CHEK1: variants seen among roughly 807,000 people sequenced by gnomAD.
The protein encoded by CHEK1 is serine/threonine-protein kinase Chk1.
A neutral mutation model predicts 60.2 loss-of-function variants in CHEK1; 32 were observed. The observed-to-expected ratio is 0.53, with a 90% CI of 0.40 to 0.71. The LOEUF is 0.71. CHEK1 is among the 30% of genes least tolerant of loss of function. The probability of loss-of-function intolerance (pLI) is 0.00; values close to 1 mark genes in which losing one functional copy is unlikely to be tolerated. For synonymous variants in CHEK1, 179 were observed against 187.2 expected (o/e 0.96, Z 0.36); for missense variants, 399 against 564.6 (o/e 0.71, Z 2.97).
At chr11:125,673,216 T>TC (rs369760206) in intron 13 of CHEK1, among the ~76,000 whole-genome samples, 3 of 151,308 alleles carry the variant, frequency 2.0e-5, no homozygotes, top group Non-Finnish European at 2.9e-5. Flanking sequence ...TCTTTTCTTT[T>TC]TTTTTTTTGA....
At chr11:125,654,759 A>G (rs149387175) in intron 12 of CHEK1, among the ~76,000 whole-genome samples, 40 of 152,350 alleles carry the variant, frequency 2.6e-4, no homozygotes, top group African/African-American at 8.9e-4. Flanking sequence ...ATTTGCTGCA[A>G]TACTGTTTTT....
intron 6 of CHEK1, among the ~76,000 whole-genome samples, chr11:125,634,964 T>TG (rs1243056530): frequency 1.5e-5 from 2 of 130,000 alleles, no homozygotes; most frequent in East Asian, 2.0e-4. Flanking sequence ...GTTTTTTGGT[T>TG]TTTTTTTTTT....
chr11:125,637,093 A>G (rs1941098834), intron 7 of CHEK1, among the ~76,000 whole-genome samples: 1 of 152,192 alleles, frequency 6.6e-6, no homozygotes, highest in Non-Finnish European at 1.5e-5. Context: ...CTGTGTGAAT[A>G]AGGAGGTCAC....
At chr11:125,678,978 T>TTTTATATATATATATATATATATATA (rs1555078664), downstream of CHEK1, among the ~76,000 whole-genome samples, 16 of 88,440 alleles carry the variant, frequency 1.8e-4, 1 homozygote, top group East Asian at 3.3e-3. Context: ...TCTAGGCATA[T>TTTTATATATATATATATATATATATA]TATATATATA....
At chr11:125,649,499 A>G (rs1193175804) in intron 11 of CHEK1, among the ~76,000 whole-genome samples, 1 of 151,964 alleles carries the variant, frequency 6.6e-6, no homozygotes, top group Admixed American at 6.6e-5. Flanking sequence ...TGAGGTGGGT[A>G]GATCACTTGA....
At chr11:125,642,387 G>T (rs964755885) in intron 8 of CHEK1, among the ~76,000 whole-genome samples, 1 of 151,738 alleles carries the variant, frequency 6.6e-6, no homozygotes, top group Non-Finnish European at 1.5e-5. Flanking sequence ...ATGTTATTTT[G>T]TCTCTCCTCA....
chr11:125,653,897 A>AT lies in CHEK1; in HGVS notation c.1335+57dup. ...TTTCTATGGAAATATTTCTATATGA[A>AT]TTTTTTTAATGGCATTATGTTTGTA... On this transcript the variant is annotated intron_variant, in intron 12 of 12. Coordinates refer to ENST00000438015, the MANE Select transcript of CHEK1 (RefSeq NM_001114122.3). This position sits in a 1 kb window ranked among gnomAD's most constrained non-coding sequence, Gnocchi z 4.3. 3 of 1,096,916 alleles carry AT rather than the reference A, an allele frequency of 2.7e-6. No individual in the cohort carries two copies. The highest frequency in any genetic ancestry group is 4.0e-6 in the Non-Finnish European group (3 of 754,492). 67.9% of individuals were successfully genotyped at this position (1,096,916 alleles called of 1,614,324 possible).
At chr11:125,676,463 C>T (rs370066271), downstream of CHEK1, 24 of 1,614,138 alleles carry the variant, frequency 1.5e-5, no homozygotes, top group Non-Finnish European at 1.9e-5. Context: ...ACATGTGTAG[C>T]AATTTAATAT....
chr11:125,627,234 T>C (rs1412734463), intron 2 of CHEK1, among the ~76,000 whole-genome samples: 3 of 152,162 alleles, frequency 2.0e-5, no homozygotes, highest in Non-Finnish European at 4.4e-5. Context: ...GTGGCAATAA[T>C]CGCATCTACC....
intron 8 of CHEK1, among the ~76,000 whole-genome samples, chr11:125,642,468 G>T (rs989209038): frequency 1.3e-5 from 2 of 151,970 alleles, no homozygotes; most frequent in African/African-American, 4.8e-5. Context: ...CTGATACCTA[G>T]AATAATGCCT....
chr11:125,634,313 G>GT (rs1374062482), intron 6 of CHEK1, among the ~76,000 whole-genome samples: 1 of 151,648 alleles, frequency 6.6e-6, no homozygotes, highest in Non-Finnish European at 1.5e-5. Context: ...TATTGTGTCT[G>GT]TTTTTTGTTT....
At chr11:125,677,345 A>C (rs553610958), downstream of CHEK1, among the ~76,000 whole-genome samples, 30 of 152,308 alleles carry the variant, frequency 2.0e-4, no homozygotes, top group Non-Finnish European at 3.7e-4. Context: ...ATAGCTTTAC[A>C]TTCCATGTTC....
intron 8 of CHEK1, among the ~76,000 whole-genome samples, chr11:125,641,970 A>G (rs1190095689): frequency 1.3e-5 from 2 of 152,086 alleles, no homozygotes; most frequent in Non-Finnish European, 2.9e-5. Context: ...TTCTTACACA[A>G]TTTTGTTCCT....
intron 12 of CHEK1, 42 bp from the exon 13 acceptor site, chr11:125,655,171 ATTTTGTTTTTGT>A: frequency 7.5e-7 from 1 of 1,335,682 alleles, no homozygotes; most frequent in Non-Finnish European, 1.1e-6. Context: ...TTAGGACAGA[ATTTTGTTTTTGT>A]TTTTGTTTTG....
intron 5 of CHEK1, among the ~76,000 whole-genome samples, chr11:125,632,013 C>G (rs1940885311): frequency 6.6e-6 from 1 of 151,574 alleles, no homozygotes; most frequent in Admixed American, 6.6e-5. Flanking sequence ...TAAGTTGTTT[C>G]TAACTTATAA....
intron 13 of CHEK1, chr11:125,672,645 G>C (rs762059902): frequency 6.2e-7 from 1 of 1,613,916 alleles, no homozygotes; most frequent in African/African-American, 1.3e-5. Flanking sequence ...TTGCATCCTC[G>C]TTCCATGGGA....
chr11:125,635,133 A>C (rs1375229459), intron 6 of CHEK1, among the ~76,000 whole-genome samples: 1 of 151,810 alleles, frequency 6.6e-6, no homozygotes, highest in East Asian at 1.9e-4. Flanking sequence ...AATTTTATTT[A>C]TTTTTTGTAG....
At chr11:125,640,641 C>G (rs1054281164) in intron 8 of CHEK1, among the ~76,000 whole-genome samples, 1 of 151,958 alleles carries the variant, frequency 6.6e-6, no homozygotes, top group African/African-American at 2.4e-5. Flanking sequence ...GTGGTCTCCA[C>G]TTACTGAAAC....
chr11:125,659,480 G>A (rs1164986131), downstream of CHEK1, among the ~76,000 whole-genome samples: 2 of 151,562 alleles, frequency 1.3e-5, no homozygotes, highest in Non-Finnish European at 2.9e-5. Flanking sequence ...AATTTCCTAA[G>A]TACCATTTTT....
Sources: gnomAD v4.1 joint callset for allele counts (sites outside exome capture counted in the v4.1 genomes callset) on GRCh38, gnomAD v4.1.1 for gene constraint, Gnocchi (gnomAD v3.1) non-coding constraint, MANE v1.5 for transcripts, NCBI Gene and HGNC (gene_info 2026-07-23, HGNC 2026-07-21) for gene names.